Variants in SGCD observed in about 807,000 individuals in gnomAD.
The protein encoded by SGCD is sarcoglycan delta, also known as delta-sarcoglycan.
SGCD carries 18 observed loss-of-function variants against 36.6 expected under a neutral mutation model. That is an observed-to-expected ratio of 0.49 (90% CI 0.34 to 0.73). The LOEUF is 0.73. Among genes scored for constraint, SGCD ranks in the 30% least tolerant of loss-of-function variants. The pLI, the probability that SGCD is intolerant of heterozygous loss-of-function variation, is 0.01. For missense variants in SGCD, 387 were observed against 346.7 expected (o/e 1.12, Z -0.92); for synonymous variants, 133 against 130.6 (o/e 1.02, Z -0.12).
At chr5:155,837,449 C>T in the SGCD span, among the ~76,000 whole-genome samples, 2 of 152,146 alleles carry the variant, frequency 1.3e-5, no homozygotes, top group Admixed American at 6.5e-5. Flanking sequence ...TGAGTCACTG[C>T]GCCCAGCCTT....
intron 3 of SGCD, among the ~76,000 whole-genome samples, chr5:156,396,629 G>T (rs1281839524): frequency 1.3e-5 from 2 of 152,152 alleles, no homozygotes; most frequent in East Asian, 3.9e-4. Context: ...TTTACAACGT[G>T]TGACTTATTG....
chr5:156,590,823 C>G (rs574054738), intron 5 of SGCD, among the ~76,000 whole-genome samples: 6 of 151,358 alleles, frequency 4.0e-5, no homozygotes, highest in African/African-American at 1.5e-4. Context: ...GCTTCTCTCC[C>G]TATTCCTTCC....
At chr5:155,750,407 G>C in the SGCD span, among the ~76,000 whole-genome samples, 1 of 152,270 alleles carries the variant, frequency 6.6e-6, no homozygotes, top group Admixed American at 6.5e-5. Flanking sequence ...ACCAGAGCCT[G>C]CATATTCCGT....
chr5:156,554,579 A>G (rs1758937599), intron 4 of SGCD, among the ~76,000 whole-genome samples: 1 of 149,920 alleles, frequency 6.7e-6, no homozygotes, highest in Admixed American at 6.7e-5. Flanking sequence ...AAAAAAAAGT[A>G]TGCATATGTG....
At chr5:156,481,651 C>A (rs1338470138) in intron 3 of SGCD, among the ~76,000 whole-genome samples, 3 of 152,192 alleles carry the variant, frequency 2.0e-5, no homozygotes, top group African/African-American at 7.2e-5. Context: ...AATAATAGTA[C>A]CTGCCCCCAC....
At chr5:156,403,166 A>G (rs1455672436) in intron 3 of SGCD, among the ~76,000 whole-genome samples, 2 of 152,146 alleles carry the variant, frequency 1.3e-5, no homozygotes, top group Non-Finnish European at 1.5e-5. Flanking sequence ...CTGTCCTTCC[A>G]TCCATCCTCC....
intron 4 of SGCD, among the ~76,000 whole-genome samples, chr5:156,556,033 G>A (rs1334031878): frequency 6.6e-6 from 1 of 150,750 alleles, no homozygotes; most frequent in Non-Finnish European, 1.5e-5. Flanking sequence ...TTTTCAACTT[G>A]GTCATCTCAT....
At chr5:156,205,493 G>A (rs542275195) in intron 3 of SGCD, among the ~76,000 whole-genome samples, 1 of 152,186 alleles carries the variant, frequency 6.6e-6, no homozygotes, top group South Asian at 2.1e-4. Flanking sequence ...AATCATACAG[G>A]CTGTCATCGT....
chr5:155,869,584 A>T (rs994349104), upstream of SGCD, among the ~76,000 whole-genome samples: 4 of 151,932 alleles, frequency 2.6e-5, no homozygotes, highest in African/African-American at 9.7e-5. Context: ...CAGATAAACC[A>T]TTCTGAACCC....
intron 1 of SGCD, among the ~76,000 whole-genome samples, chr5:155,973,224 CAT>C (rs1352570490): frequency 2.6e-5 from 4 of 152,148 alleles, no homozygotes; most frequent in African/African-American, 7.2e-5. Context: ...TATTTACCCA[CAT>C]CCATTTGCAG....
At chr5:155,931,258 A>G (rs1757092733) in intron 1 of SGCD, among the ~76,000 whole-genome samples, 1 of 152,186 alleles carries the variant, frequency 6.6e-6, no homozygotes, top group Admixed American at 6.5e-5. Flanking sequence ...TTACTATTAT[A>G]TGCCTTTATA....
chr5:155,778,568 C>G, the SGCD span, among the ~76,000 whole-genome samples: 1 of 152,234 alleles, frequency 6.6e-6, no homozygotes, highest in African/African-American at 2.4e-5. Context: ...ATGCCAGAGC[C>G]TACGCATCTA....
intron 6 of SGCD, among the ~76,000 whole-genome samples, chr5:156,605,513 C>G (rs181164914): frequency 1.7e-4 from 26 of 152,266 alleles, no homozygotes; most frequent in Non-Finnish European, 3.5e-4. Flanking sequence ...AAAAATACGT[C>G]TGCATGTGTC....
At chr5:155,971,914 G>A (rs1455684752) in intron 1 of SGCD, among the ~76,000 whole-genome samples, 1 of 152,096 alleles carries the variant, frequency 6.6e-6, no homozygotes, top group African/African-American at 2.4e-5. Flanking sequence ...AACAAATTTA[G>A]TCTTTTTTAA....
intron 3 of SGCD, among the ~76,000 whole-genome samples, chr5:156,478,907 C>T (rs1755306151): frequency 6.6e-6 from 1 of 151,870 alleles, no homozygotes. Flanking sequence ...AAGCCAAACC[C>T]TACTACCTCT....
intron 3 of SGCD, among the ~76,000 whole-genome samples, chr5:156,237,276 C>T (rs1765190276): frequency 1.3e-5 from 2 of 152,128 alleles, no homozygotes; most frequent in Non-Finnish European, 2.9e-5. Context: ...CATTTTTCTC[C>T]TTGCACCTTA....
intron 3 of SGCD, among the ~76,000 whole-genome samples, chr5:156,149,752 G>A (rs1339379691): frequency 6.6e-6 from 1 of 152,202 alleles, no homozygotes; most frequent in Non-Finnish European, 1.5e-5. Context: ...GCCTGAAGGA[G>A]GCTGGCATGG....
chr5:155,742,563 A>G, the SGCD span, among the ~76,000 whole-genome samples: 4 of 152,180 alleles, frequency 2.6e-5, no homozygotes, highest in African/African-American at 9.7e-5. Context: ...AGGTAGGAAA[A>G]AAGCAAATGT....
intron 3 of SGCD, among the ~76,000 whole-genome samples, chr5:156,141,425 C>G (rs1320215913): frequency 6.6e-6 from 1 of 152,234 alleles, no homozygotes; most frequent in Non-Finnish European, 1.5e-5. Flanking sequence ...CATGTGAGAA[C>G]TGATATGTGG....
Sources: allele counts gnomAD v4.1 joint callset (sites outside exome capture counted in the v4.1 genomes callset), GRCh38; gene constraint gnomAD v4.1.1; transcripts MANE v1.5; gene names NCBI Gene and HGNC (gene_info 2026-07-23, HGNC 2026-07-21).